DMRT1: variants seen among roughly 807,000 people sequenced by gnomAD.
DMRT1 encodes doublesex and mab-3 related transcription factor 1.
DMRT1 carries 7 observed loss-of-function variants against 32.3 expected under a neutral mutation model. The observed-to-expected ratio is 0.22, with a 90% CI of 0.12 to 0.41. The LOEUF is 0.41. DMRT1 is among the 10% of genes least tolerant of loss of function. The pLI, the probability that DMRT1 is intolerant of heterozygous loss-of-function variation, is 1.00. For synonymous variants in DMRT1, 278 were observed against 206.1 expected, an observed-to-expected ratio of 1.35 and a Z score of -2.99; for missense variants, 625 against 500.5, an observed-to-expected ratio of 1.25 and a Z score of -2.37.
intron 2 of DMRT1, among the ~76,000 whole-genome samples, chr9:855,357 T>G (rs1263818109): frequency 1.3e-5 from 2 of 152,224 alleles, no homozygotes; most frequent in African/African-American, 4.8e-5. Context: ...CAAAAACATT[T>G]GATTGGTTTA....
intron 4 of DMRT1, among the ~76,000 whole-genome samples, chr9:956,258 A>G (rs916999411): frequency 1.3e-5 from 2 of 152,220 alleles, no homozygotes; most frequent in Admixed American, 6.5e-5. Context: ...GGTGGTTGCC[A>G]GGAGTTGAGG....
intron 2 of DMRT1, among the ~76,000 whole-genome samples, chr9:859,605 A>C (rs749015122): frequency 6.6e-6 from 1 of 152,210 alleles, no homozygotes; most frequent in African/African-American, 2.4e-5. Flanking sequence ...TGAGTCTCCT[A>C]TGAAAATTCA....
In DMRT1 at chr9:933,214, G is replaced by A. The variant is rs145001194; in HGVS notation, c.967+16307G>A. ...TTACAGGTGTGAGCCACCACGCCCC[G>A]GTGAGAGCTCCAAGCTTTTAATCAA... is the stretch of plus-strand genomic sequence containing the variant. On this transcript the variant is annotated intron_variant, in intron 4 of 4. Coordinates refer to ENST00000382276, the MANE Select transcript of DMRT1 (RefSeq NM_021951.3). Among the ~76,000 whole-genome samples, 52 of 152,260 alleles carry A rather than the reference G, an allele frequency of 3.4e-4. 1 individual carries two copies. The highest frequency in any genetic ancestry group is 3.4e-3 in the Middle Eastern group (1 of 294).
chr9:929,056 C>G (rs1025307810), intron 4 of DMRT1, among the ~76,000 whole-genome samples: 3 of 152,070 alleles, frequency 2.0e-5, no homozygotes. Context: ...CCAGGCTGGT[C>G]TCAAACTCCT....
At chr9:896,997 G>A (rs1008017697) in intron 3 of DMRT1, among the ~76,000 whole-genome samples, 9 of 151,784 alleles carry the variant, frequency 5.9e-5, no homozygotes, top group African/African-American at 2.2e-4. Context: ...GCTACCCTCA[G>A]GGATCTGACT....
intron 3 of DMRT1, among the ~76,000 whole-genome samples, chr9:914,563 G>C (rs12339270): frequency 1.9e-5 from 2 of 107,740 alleles, no homozygotes; most frequent in African/African-American, 3.3e-5. Context: ...GACAGAGTGG[G>C]ACTCTGTCTC....
Position 841,978 on chromosome 9 carries a change from C to A in DMRT1, c.140C>A (p.Ala47Asp). 1 of 1,577,642 alleles carries A rather than the reference C, an allele frequency of 6.3e-7. No individual in the cohort carries two copies. Among genetic ancestry groups the A allele is most frequent in the Non-Finnish European group, 8.6e-7 (1 of 1,162,654 alleles). The change falls in exon 1 of 5, where the codon GCC (alanine) becomes GAC (aspartate). Residue 47 changes from alanine to aspartate, a missense_variant. Ala to Asp is a moderately radical substitution (Grantham distance 126). Transcript: ENST00000382276. ...ALVGAASGSS[A>D]GGSSRGGGSG... ...GTGGGGGCGGCCAGCGGCTCGAGCG[C>A]CGGGGGCAGCAGCAGAGGAGGCGGC...
intron 4 of DMRT1, among the ~76,000 whole-genome samples, chr9:923,111 G>C (rs1818408677): frequency 6.6e-6 from 1 of 152,168 alleles, no homozygotes; most frequent in Admixed American, 6.5e-5. Context: ...CATGCAAAAT[G>C]GGTAGCTTGC....
chr9:956,033 G>A (rs1255349146), intron 4 of DMRT1, among the ~76,000 whole-genome samples: 2 of 152,232 alleles, frequency 1.3e-5, no homozygotes, highest in African/African-American at 4.8e-5. Flanking sequence ...ATGACCATTA[G>A]TGCATGGATG....
intron 2 of DMRT1, among the ~76,000 whole-genome samples, chr9:885,423 G>A (rs1248414088): frequency 1.3e-5 from 2 of 152,208 alleles, no homozygotes; most frequent in Non-Finnish European, 2.9e-5. Flanking sequence ...GAGTCAGAAA[G>A]GAGATGGTTT....
At chr9:936,510 G>C (rs1009263467) in intron 4 of DMRT1, among the ~76,000 whole-genome samples, 5 of 152,038 alleles carry the variant, frequency 3.3e-5, no homozygotes, top group Non-Finnish European at 7.4e-5. Context: ...CTAGAACTTT[G>C]GGAGGCTGAG....
At chr9:959,778 T>C (rs768141627) in intron 4 of DMRT1, among the ~76,000 whole-genome samples, 20 of 152,120 alleles carry the variant, frequency 1.3e-4, no homozygotes, top group Non-Finnish European at 2.9e-4. Flanking sequence ...TCCACCTACC[T>C]CAGCCTCCCA....
chr9:859,878 A>G (rs1815577285), intron 2 of DMRT1, among the ~76,000 whole-genome samples: 1 of 152,216 alleles, frequency 6.6e-6, no homozygotes, highest in South Asian at 2.1e-4. Context: ...AGGTTCTTAG[A>G]TACTGCTTCA....
chr9:892,390 C>T (rs1486925926), intron 2 of DMRT1, among the ~76,000 whole-genome samples: 3 of 152,076 alleles, frequency 2.0e-5, no homozygotes, highest in Non-Finnish European at 2.9e-5. Flanking sequence ...GTTTCATGTT[C>T]CTCACCCTCA....
intron 1 of DMRT1, among the ~76,000 whole-genome samples, chr9:845,050 T>C (rs1047423512): frequency 6.6e-6 from 1 of 152,140 alleles, no homozygotes; most frequent in African/African-American, 2.4e-5. Flanking sequence ...TTGAACGTTT[T>C]GATTTCACCT....
Position 841,725 on chromosome 9 carries a change from A to G in DMRT1, c.-114A>G. ...CCAGCTGCGCCTCCGGCTGCAGCGC[A>G]CACGTCTCCTGCGCCTCCTCCTCCG... On this transcript the variant is annotated 5_prime_UTR_variant, in exon 1 of 5. Transcript: ENST00000382276. 3.9e-6 allele frequency: 6 copies of G among 1,544,014 alleles called. No homozygotes were observed. Among genetic ancestry groups the G allele is most frequent in the Non-Finnish European group, 5.2e-6 (6 of 1,145,994 alleles).
intron 3 of DMRT1, among the ~76,000 whole-genome samples, chr9:911,283 G>C (rs747265199): frequency 2.0e-5 from 3 of 152,062 alleles, no homozygotes; most frequent in Non-Finnish European, 2.9e-5. Context: ...GCCCTGTGGA[G>C]GATCAGACTG....
At chr9:923,694 G>A (rs1210895193) in intron 4 of DMRT1, among the ~76,000 whole-genome samples, 4 of 152,134 alleles carry the variant, frequency 2.6e-5, no homozygotes, top group Non-Finnish European at 4.4e-5. Flanking sequence ...AGAGGGCTGC[G>A]TTTGTTATGT....
intron 2 of DMRT1, among the ~76,000 whole-genome samples, chr9:865,809 T>C (rs1398457273): frequency 6.6e-6 from 1 of 152,174 alleles, no homozygotes; most frequent in African/African-American, 2.4e-5. Flanking sequence ...TGACCTTCTT[T>C]TTCTGTTTTG....
Sources: gnomAD v4.1 joint callset for allele counts (sites outside exome capture counted in the v4.1 genomes callset) on GRCh38, gnomAD v4.1.1 for gene constraint, MANE v1.5 for transcripts, NCBI Gene and HGNC (gene_info 2026-07-23, HGNC 2026-07-21) for gene names.